PLAC8: variants seen among roughly 807,000 people sequenced by gnomAD.
The protein encoded by PLAC8 is placenta associated 8.
In PLAC8, 6 loss-of-function variants were observed where a neutral mutation model predicts 12.6. That is an observed-to-expected ratio of 0.48 (90% CI 0.26 to 0.94). PLAC8 has a LOEUF of 0.94. Among genes scored for constraint, PLAC8 ranks in the 40% least tolerant of loss-of-function variants. PLAC8 has a pLI of 0.14. For synonymous variants in PLAC8, 54 were observed against 52.6 expected (o/e 1.03, Z -0.11); for missense variants, 122 against 152.7 (o/e 0.80, Z 1.06).
intron 3 of PLAC8, among the ~76,000 whole-genome samples, chr4:83,101,831 A>T (rs897307102): frequency 1.3e-5 from 2 of 152,244 alleles, no homozygotes; most frequent in Admixed American, 6.5e-5. Context: ...TGAGAAAAAA[A>T]AATAATTATG....
intron 3 of PLAC8, among the ~76,000 whole-genome samples, 175 bp from the exon 4 acceptor site, chr4:83,094,966 G>A (rs564029035): frequency 3.3e-5 from 5 of 152,166 alleles, no homozygotes; most frequent in African/African-American, 4.8e-5. Context: ...ATTTTATGAC[G>A]GAAAATATTT....
At chr4:83,094,845 A>G in intron 3 of PLAC8, 54 bp from the exon 4 acceptor site, 1 of 1,046,138 alleles carries the variant, frequency 9.6e-7, no homozygotes, top group Non-Finnish European at 1.4e-6. Flanking sequence ...TTTGGAATTA[A>G]GACTTGCCAC....
intron 3 of PLAC8, among the ~76,000 whole-genome samples, chr4:83,098,874 C>T (rs184021549): frequency 2.6e-5 from 4 of 151,920 alleles, no homozygotes; most frequent in African/African-American, 9.7e-5. Context: ...TAAATTATGT[C>T]TCTTTCTAAC....
intron 1 of PLAC8, among the ~76,000 whole-genome samples, chr4:83,111,479 A>T (rs183400328): frequency 4.4e-4 from 67 of 151,976 alleles, no homozygotes; most frequent in African/African-American, 1.5e-3. Context: ...TATCTCCAAA[A>T]AAAAAATAAA....
At chr4:83,101,892 C>T (rs1017895004) in intron 3 of PLAC8, among the ~76,000 whole-genome samples, 17 of 152,136 alleles carry the variant, frequency 1.1e-4, no homozygotes, top group Non-Finnish European at 1.6e-4. Flanking sequence ...GATGACAGCA[C>T]GTGTTGACAG....
chr4:83,090,689 T>C lies in PLAC8; in HGVS notation c.*292A>G, dbSNP rs957657003. 6.6e-6 allele frequency: 1 copy of C among 152,028 alleles called. No homozygotes were observed. The highest frequency in any genetic ancestry group is 1.5e-5 in the Non-Finnish European group (1 of 68,010). The allele number at this position is 152,028 out of a possible 1,614,324, so 9.4% of individuals were successfully genotyped here. ...GAGAGCAAAGAAGCATGAAGAATCTTATCAGTAAAATATTTCATTTGGTTT... is the reference window on the plus strand; with the variant it reads ...GAGAGCAAAGAAGCATGAAGAATCTCATCAGTAAAATATTTCATTTGGTTT... On this transcript the variant is annotated 3_prime_UTR_variant, in exon 5 of 5. Coordinates refer to ENST00000311507, the MANE Select transcript of PLAC8 (RefSeq NM_016619.3).
intron 4 of PLAC8, 27 bp from the exon 5 acceptor site, chr4:83,090,998 A>G (rs1427917049): frequency 3.3e-5 from 5 of 152,162 alleles, no homozygotes; most frequent in Non-Finnish European, 7.3e-5. Context: ...AGAGTTTTGA[A>G]TTTTCTTAAG....
intron 3 of PLAC8, among the ~76,000 whole-genome samples, chr4:83,099,774 G>T (rs1274171736): frequency 6.6e-6 from 1 of 151,144 alleles, no homozygotes; most frequent in Admixed American, 6.6e-5. Flanking sequence ...AAGGCAGGCG[G>T]ATCACAGGGT....
chr4:83,098,338 A>G (rs1310588296), intron 3 of PLAC8, among the ~76,000 whole-genome samples: 4 of 152,234 alleles, frequency 2.6e-5, no homozygotes, highest in Non-Finnish European at 5.9e-5. Flanking sequence ...TTAAAATCAC[A>G]CTGCTGTGGG....
chr4:83,103,959 C>T (rs533986605), intron 3 of PLAC8, among the ~76,000 whole-genome samples: 25 of 152,166 alleles, frequency 1.6e-4, no homozygotes, highest in African/African-American at 4.3e-4. Context: ...TGAGCCACCA[C>T]GCCCAGACCA....
At chr4:83,110,220 A>G (rs1377178374) in intron 1 of PLAC8, among the ~76,000 whole-genome samples, 1 of 152,146 alleles carries the variant, frequency 6.6e-6, no homozygotes, top group Non-Finnish European at 1.5e-5. Flanking sequence ...TGGGATTGGA[A>G]AGTAAGACAA....
Position 83,105,116 on chromosome 4 carries a change from G to A in PLAC8, c.119-96C>T, listed in dbSNP as rs1246108055. ...TTCACAAATGGCAGTCCGAGTCATGGGGCCTTGGCCGCAAAGCCTGCTGCT... is the reference window on the plus strand; with the variant it reads ...TTCACAAATGGCAGTCCGAGTCATGAGGCCTTGGCCGCAAAGCCTGCTGCT... On this transcript the variant is annotated intron_variant, in intron 2 of 4. Coordinates refer to ENST00000311507, the MANE Select transcript of PLAC8 (RefSeq NM_016619.3). 6.3e-6 allele frequency: 9 copies of A among 1,432,260 alleles called. No individual in the cohort carries two copies. The African/African-American group carries it at 1.3e-4, about 20-fold the overall frequency. 88.7% of individuals were successfully genotyped at this position (1,432,260 alleles called of 1,614,324 possible).
Position 83,094,735 on chromosome 4 carries a change from G to A in PLAC8, c.300C>T (p.Cys100=). Residue 100 remains cysteine, a synonymous_variant, in exon 4 of 5, where the codon TGC becomes TGT. Transcript: ENST00000311507. ...TTCTGTTGATATCTCTCTTGATTTG[G>A]CAAAGAGTACAATGAGGACAGCAAA... ...ATLCCPHCTL[C]QIKRDINRRR... is the part of the protein sequence containing the mutation. The A allele has an allele frequency of 6.2e-7, 1 of 1,605,668 alleles. No homozygotes were observed. The highest frequency in any genetic ancestry group is 1.1e-5 in the South Asian group (1 of 87,872).
intron 3 of PLAC8, among the ~76,000 whole-genome samples, chr4:83,102,331 G>A (rs1045492714): frequency 6.6e-6 from 1 of 151,840 alleles, no homozygotes; most frequent in African/African-American, 2.4e-5. Context: ...CAGGAGTTTC[G>A]AGACCAGCCT....
At chr4:83,113,157 G>A (rs1732461285) in intron 1 of PLAC8, among the ~76,000 whole-genome samples, 1 of 152,198 alleles carries the variant, frequency 6.6e-6, no homozygotes, top group Admixed American at 6.5e-5. Context: ...CACCCGCAGG[G>A]CTGCTGCCCT....
chr4:83,108,517 C>G (rs1018140507), intron 1 of PLAC8, among the ~76,000 whole-genome samples: 2 of 152,174 alleles, frequency 1.3e-5, no homozygotes, highest in Non-Finnish European at 1.5e-5. Flanking sequence ...TCGCTTGAAC[C>G]GGGAAGGTGG....
chr4:83,097,276 A>T (rs1472274970), intron 3 of PLAC8, among the ~76,000 whole-genome samples: 1 of 151,960 alleles, frequency 6.6e-6, no homozygotes, highest in Non-Finnish European at 1.5e-5. Flanking sequence ...TGTGATGTTT[A>T]TATATAAAAG....
rs1164260771 is a variant in PLAC8, at chr4:83,094,602, A to G, written c.*9+76T>C. ...AGTTATTGCTGAATTATTCAAAACA[A>G]CAAATAATTGACAAAGTCTTTAGTG... On this transcript the variant is annotated intron_variant, in intron 4 of 4. Transcript: ENST00000311507. 5.2e-6 allele frequency: 4 copies of G among 769,220 alleles called. No individual in the cohort carries two copies. In the African/African-American group the frequency reaches 7.2e-5, roughly 14 times the overall value. 47.6% of individuals were successfully genotyped at this position (769,220 alleles called of 1,614,324 possible).
At chr4:83,101,254 C>T (rs1732093978) in intron 3 of PLAC8, among the ~76,000 whole-genome samples, 1 of 152,180 alleles carries the variant, frequency 6.6e-6, no homozygotes, top group Non-Finnish European at 1.5e-5. Context: ...GCGGCACGGG[C>T]CTGTAATCCC....
Sources: allele counts gnomAD v4.1 joint callset (sites outside exome capture counted in the v4.1 genomes callset), GRCh38; gene constraint gnomAD v4.1.1; transcripts MANE v1.5; gene names NCBI Gene and HGNC (gene_info 2026-07-23, HGNC 2026-07-21).